Variants in FMN1 observed in about 807,000 individuals in gnomAD.
FMN1 encodes the protein formin-1.
A neutral mutation model predicts 132.4 loss-of-function variants in FMN1; 110 were observed. That is an observed-to-expected ratio of 0.83 (90% confidence interval 0.71 to 0.97). The LOEUF is 0.97. Among genes scored for constraint, FMN1 ranks in the 50% least tolerant of loss-of-function variants. The probability of loss-of-function intolerance (pLI) is 0.00; values close to 1 mark genes in which losing one functional copy is unlikely to be tolerated. For missense variants in FMN1, 1,792 were observed against 1,705.3 expected (o/e 1.05, Z -0.90); for synonymous variants, 722 against 651.7 (o/e 1.11, Z -1.64).
rs184263257 is a variant in FMN1, at chr15:32,992,562, G to A, written c.2223+15452C>T. Among the ~76,000 whole-genome samples, 141 of 152,202 alleles carry A rather than the reference G, an allele frequency of 9.3e-4. 1 individual carries two copies. The highest frequency in any genetic ancestry group is 3.4e-3 in the Middle Eastern group (1 of 292). ...TCTTAGTTTACAAACTTAAGAAAAA[G>A]GACTGGTATCTGTGGGAGAAATAAA... On this transcript the variant is annotated intron_variant, in intron 7 of 20. Coordinates refer to ENST00000616417, the MANE Select transcript of FMN1 (RefSeq NM_001277313.2).
chr15:33,110,902 A>C (rs345766), intron 4 of FMN1, among the ~76,000 whole-genome samples: 53,214 of 151,810 alleles, frequency 0.35, 10,606 homozygotes, highest in East Asian at 0.68. Flanking sequence ...ACTAACCTTA[A>C]AGAAGTTCTA....
chr15:32,893,440 C>A (rs546947424), intron 15 of FMN1, among the ~76,000 whole-genome samples: 1 of 152,360 alleles, frequency 6.6e-6, no homozygotes, highest in South Asian at 2.1e-4. Flanking sequence ...AGGCTGGTAG[C>A]AGCTCTTATG....
chr15:33,145,232 A>C (rs901255039), intron 4 of FMN1, among the ~76,000 whole-genome samples: 1 of 151,944 alleles, frequency 6.6e-6, no homozygotes, highest in African/African-American at 2.4e-5. Context: ...TGCTGTAGTC[A>C]AAGGTGCCAG....
intron 5 of FMN1, among the ~76,000 whole-genome samples, chr15:33,071,939 C>T (rs548910276): frequency 4.6e-5 from 7 of 152,222 alleles, no homozygotes; most frequent in African/African-American, 1.7e-4. Context: ...GAAATAAGCA[C>T]CTATTACACA....
At chr15:32,812,425 T>C (rs1410494213) in intron 17 of FMN1, among the ~76,000 whole-genome samples, 1 of 152,340 alleles carries the variant, frequency 6.6e-6, no homozygotes, top group Middle Eastern at 3.4e-3. Context: ...GATACTTGCA[T>C]ATACATAATG....
Position 32,769,963 on chromosome 15 carries a change from T to C in FMN1, c.*4347A>G, listed in dbSNP as rs144411657. The C allele has an allele frequency of 6.6e-6, 1 of 152,368 alleles. No homozygotes were observed. The highest frequency in any genetic ancestry group is 1.5e-5 in the Non-Finnish European group (1 of 68,028). The allele number at this position is 152,368 out of a possible 1,614,324, so 9.4% of individuals were successfully genotyped here. A position where few individuals can be genotyped will look rare whatever the true frequency, so the allele number is the denominator to read the frequency against. On this transcript the variant is annotated 3_prime_UTR_variant, in exon 21 of 21. Coordinates refer to ENST00000616417, the MANE Select transcript of FMN1 (RefSeq NM_001277313.2). Reference sequence around the variant, plus strand: ...ATAAAAGAAAAATGAAGCTCAAATATAACTGATGCTTGTTAGCAATTTAAA... The same window carrying C: ...ATAAAAGAAAAATGAAGCTCAAATACAACTGATGCTTGTTAGCAATTTAAA...
Position 32,771,459 on chromosome 15 carries a change from G to A in FMN1, c.*2851C>T, listed in dbSNP as rs191615328. On this transcript the variant is annotated 3_prime_UTR_variant, in exon 21 of 21. Transcript: ENST00000616417. The stretch of plus-strand genomic sequence containing the variant: ...TGTAATTTATGTAACTTATGATATT[G>A]TGTGCTCTGATGCTGTCAATTGCTC... 52 of 152,300 alleles carry A rather than the reference G, an allele frequency of 3.4e-4. No homozygotes were observed. Among genetic ancestry groups the A allele is most frequent in the African/African-American group, 1.2e-3 (51 of 41,562 alleles). 9.4% of individuals were successfully genotyped at this position (152,300 alleles called of 1,614,324 possible). A position where few individuals can be genotyped will look rare whatever the true frequency, so the allele number is the denominator to read the frequency against.
At position 33,067,079 on chromosome 15, in the gene FMN1, T is replaced by C. The variant is rs1364737688; in HGVS notation, c.2044-2005A>G. Reference sequence around the variant, plus strand: ...GAAAAAAGCTGGAAGTTGGAATGACTTCTCTCCAGAGACTTCTTTTTTAGA... The same window carrying C: ...GAAAAAAGCTGGAAGTTGGAATGACCTCTCTCCAGAGACTTCTTTTTTAGA... On this transcript the variant is annotated intron_variant, in intron 5 of 20. Coordinates refer to ENST00000616417, the MANE Select transcript of FMN1 (RefSeq NM_001277313.2). 4.3e-6 allele frequency: 7 copies of C among 1,613,876 alleles called. No individual in the cohort carries two copies. Among genetic ancestry groups the C allele is most frequent in the Non-Finnish European group, 5.1e-6 (6 of 1,179,898 alleles).
At chr15:32,875,114 A>G (rs1334639745) in intron 16 of FMN1, among the ~76,000 whole-genome samples, 1 of 152,356 alleles carries the variant, frequency 6.6e-6, no homozygotes, top group East Asian at 1.9e-4. Flanking sequence ...CTGTATAATC[A>G]AAAGCAAATG....
intron 9 of FMN1, among the ~76,000 whole-genome samples, chr15:32,962,105 T>TTTATTATTATTATTATTATTATTA (rs10645453): frequency 1.3e-5 from 2 of 150,760 alleles, no homozygotes; most frequent in African/African-American, 4.9e-5. Context: ...AGGGCAAGGA[T>TTTATTATTATTATTATTATTATTA]TTATTATTAT....
intron 6 of FMN1, among the ~76,000 whole-genome samples, chr15:33,029,041 T>C (rs1207053931): frequency 6.6e-6 from 1 of 152,196 alleles, no homozygotes; most frequent in Non-Finnish European, 1.5e-5. Context: ...AAGTAATATC[T>C]ATCTGCAAAT....
intron 5 of FMN1, among the ~76,000 whole-genome samples, chr15:33,074,767 G>C (rs1463348881): frequency 6.6e-6 from 1 of 152,064 alleles, no homozygotes; most frequent in Non-Finnish European, 1.5e-5. Context: ...TGTAATCCTA[G>C]CACTTTGGGA....
intron 17 of FMN1, among the ~76,000 whole-genome samples, chr15:32,847,493 G>A (rs2058885805): frequency 6.6e-6 from 1 of 152,056 alleles, no homozygotes; most frequent in Non-Finnish European, 1.5e-5. Flanking sequence ...AGCACTTTGG[G>A]AGGCTGGGGT....
chr15:33,032,801 T>G (rs11635106), intron 6 of FMN1, among the ~76,000 whole-genome samples: 153 of 152,046 alleles, frequency 1.0e-3, no homozygotes, highest in Admixed American at 1.4e-3. Context: ...CCAGAAGGCC[T>G]GGTTCAAATC....
chr15:32,899,854 T>G (rs1320709728), intron 14 of FMN1, 125 bp downstream of exon 14: 5 of 938,368 alleles, frequency 5.3e-6, no homozygotes, highest in African/African-American at 1.7e-5. Flanking sequence ...ATGCATGCTC[T>G]AATATAAATG....
chr15:33,146,191 G>C (rs975754796), intron 4 of FMN1, among the ~76,000 whole-genome samples: 1 of 152,052 alleles, frequency 6.6e-6, no homozygotes, highest in African/African-American at 2.4e-5. Context: ...GTGAAACCCA[G>C]TCCTCAAGAG....
intron 15 of FMN1, among the ~76,000 whole-genome samples, chr15:32,895,823 A>C (rs2060140801): frequency 6.6e-6 from 1 of 152,056 alleles, no homozygotes; most frequent in South Asian, 2.1e-4. Context: ...ATTTAGTTTT[A>C]AGTCATTTTT....
At chr15:32,897,212 T>C (rs936152206) in intron 15 of FMN1, among the ~76,000 whole-genome samples, 2 of 152,194 alleles carry the variant, frequency 1.3e-5, no homozygotes, top group Middle Eastern at 3.2e-3. Flanking sequence ...GGCTATTTGT[T>C]TGTCTTATTT....
At chr15:32,778,473 C>T (rs1030408991) in intron 19 of FMN1, among the ~76,000 whole-genome samples, 7 of 151,780 alleles carry the variant, frequency 4.6e-5, no homozygotes, top group Non-Finnish European at 7.4e-5. Context: ...ATTATACCCC[C>T]TCCTCTAAAA....
Sources: allele counts gnomAD v4.1 joint callset (sites outside exome capture counted in the v4.1 genomes callset), GRCh38; gene constraint gnomAD v4.1.1; transcripts MANE v1.5; gene names NCBI Gene and HGNC (gene_info 2026-07-23, HGNC 2026-07-21).